Variants in BCL2L14 observed in about 807,000 individuals in gnomAD.
BCL2L14 encodes BCL2 like 14, also known as apoptosis facilitator Bcl-2-like protein 14.
A neutral mutation model predicts 35.3 loss-of-function variants in BCL2L14; 27 were observed. The ratio of observed to expected loss-of-function variants is 0.76; its 90% CI spans 0.56 to 1.05. The LOEUF is 1.05. Among genes scored for constraint, BCL2L14 ranks in the 50% least tolerant of loss-of-function variants. The pLI is 0.00. For missense variants in BCL2L14, 377 were observed against 382.6 expected (o/e 0.99, Z 0.12); for synonymous variants, 139 against 145.9 (o/e 0.95, Z 0.34).
At chr12:12,088,438 T>C (rs1016529935) in intron 3 of BCL2L14, among the ~76,000 whole-genome samples, 1 of 152,032 alleles carries the variant, frequency 6.6e-6, no homozygotes, top group Non-Finnish European at 1.5e-5. Flanking sequence ...CACACGTGGT[T>C]GGAAAGGAAA....
At chr12:12,093,140 C>T (rs571800786) in intron 4 of BCL2L14, among the ~76,000 whole-genome samples, 5 of 152,078 alleles carry the variant, frequency 3.3e-5, no homozygotes, top group Non-Finnish European at 7.4e-5. Flanking sequence ...CAGAGAGATA[C>T]CAGGTTCAAG....
chr12:12,087,035 C>T (rs1949061119), intron 2 of BCL2L14, among the ~76,000 whole-genome samples, 178 bp from the exon 3 acceptor site: 1 of 152,152 alleles, frequency 6.6e-6, no homozygotes, highest in Non-Finnish European at 1.5e-5. Context: ...TCCCACATCC[C>T]GGCCTCTGCC....
chr12:12,096,692 C>T (rs538233844), intron 5 of BCL2L14, among the ~76,000 whole-genome samples: 6 of 152,316 alleles, frequency 3.9e-5, no homozygotes, highest in African/African-American at 1.2e-4. Context: ...CAACATTGAG[C>T]TCTATCCACT....
intron 2 of BCL2L14, among the ~76,000 whole-genome samples, chr12:12,052,272 A>T (rs568021888): frequency 1.3e-5 from 2 of 152,316 alleles, no homozygotes; most frequent in Non-Finnish European, 2.9e-5. Flanking sequence ...AGCAATTTTG[A>T]AATATACAAT....
chr12:12,079,024 T>C (rs1948847709), intron 1 of BCL2L14, among the ~76,000 whole-genome samples: 1 of 152,212 alleles, frequency 6.6e-6, no homozygotes. Flanking sequence ...CTTGAACTCC[T>C]GACCTCATGA....
intron 2 of BCL2L14, among the ~76,000 whole-genome samples, chr12:12,060,062 C>T (rs998850238): frequency 1.4e-4 from 21 of 151,816 alleles, no homozygotes; most frequent in African/African-American, 4.8e-4. Flanking sequence ...TTTCTACAGA[C>T]CCATCTGACC....
intron 2 of BCL2L14, among the ~76,000 whole-genome samples, chr12:12,061,106 C>T (rs1436147843): frequency 1.6e-4 from 19 of 119,444 alleles, no homozygotes; most frequent in African/African-American, 4.0e-4. Flanking sequence ...CTTTTAAGCA[C>T]TCCTTTTTAG....
At chr12:12,069,577 G>A (rs970270451), upstream of BCL2L14, among the ~76,000 whole-genome samples, 23 of 151,600 alleles carry the variant, frequency 1.5e-4, no homozygotes, top group Non-Finnish European at 3.2e-4. Flanking sequence ...GCTTGGTGGC[G>A]GGCGCCTGTA....
chr12:12,087,453 C>T (rs1949073026), intron 3 of BCL2L14, 67 bp downstream of exon 3: 9 of 1,536,722 alleles, frequency 5.9e-6, no homozygotes, highest in African/African-American at 1.4e-5. Flanking sequence ...TGTATTTATC[C>T]ATCCCAGGGC....
upstream of BCL2L14, among the ~76,000 whole-genome samples, chr12:12,070,538 G>A (rs545812081): frequency 1.3e-4 from 20 of 152,088 alleles, no homozygotes; most frequent in African/African-American, 3.1e-4. Context: ...TTAGCCAGGC[G>A]TGCTGGTGCA....
intron 5 of BCL2L14, among the ~76,000 whole-genome samples, chr12:12,098,457 T>C (rs917347109): frequency 5.3e-5 from 8 of 152,202 alleles, no homozygotes; most frequent in African/African-American, 1.4e-4. Flanking sequence ...CCAGTACTTG[T>C]AGAACGGTGA....
intron 1 of BCL2L14, among the ~76,000 whole-genome samples, chr12:12,050,809 A>AG (rs1555084766): frequency 8.2e-5 from 11 of 134,672 alleles, no homozygotes; most frequent in East Asian, 2.3e-4. Context: ...AAAAAAAAAA[A>AG]AAAAGAAAAG....
Position 12,090,711 on chromosome 12 carries a change from G to A in BCL2L14, c.608-68G>A. 3 of 1,262,266 alleles carry A rather than the reference G, an allele frequency of 2.4e-6. No homozygotes were observed. The South Asian group carries it at 3.9e-5, about 16-fold the overall frequency. 78.2% of individuals were successfully genotyped at this position (1,262,266 alleles called of 1,614,324 possible). A position where few individuals can be genotyped will look rare whatever the true frequency, so the allele number is the denominator to read the frequency against. ...CCTTACCAAGCCACAAGCATTCATT[G>A]TCCCTGGAAAAATGTAAGATTATTT... On this transcript the variant is annotated intron_variant, in intron 3 of 5. Coordinates refer to ENST00000308721, the MANE Select transcript of BCL2L14 (RefSeq NM_138723.2).
At chr12:12,056,233 T>C (rs1457403685) in intron 2 of BCL2L14, among the ~76,000 whole-genome samples, 1 of 152,142 alleles carries the variant, frequency 6.6e-6, no homozygotes, top group African/African-American at 2.4e-5. Flanking sequence ...CCAACTGCGA[T>C]AGTCCCGGAT....
At chr12:12,085,437 C>T (rs1019238657) in intron 2 of BCL2L14, among the ~76,000 whole-genome samples, 4 of 152,168 alleles carry the variant, frequency 2.6e-5, no homozygotes, top group East Asian at 1.9e-4. Flanking sequence ...AGAGTTCCAG[C>T]GGAGGCCGGC....
At chr12:12,097,797 A>C (rs976734682) in intron 5 of BCL2L14, among the ~76,000 whole-genome samples, 1 of 152,144 alleles carries the variant, frequency 6.6e-6, no homozygotes, top group African/African-American at 2.4e-5. Flanking sequence ...GAGAAAAAAA[A>C]CAGTTCCAAT....
chr12:12,084,026 T>C (rs1565474359), intron 2 of BCL2L14, among the ~76,000 whole-genome samples: 1 of 152,182 alleles, frequency 6.6e-6, no homozygotes, highest in Non-Finnish European at 1.5e-5. Flanking sequence ...TGTTGGGGCT[T>C]CACCCATCAT....
In BCL2L14 at chr12:12,094,822, G is replaced by A. The variant is rs61753207; in HGVS notation, c.837G>A (p.Thr279=). The stretch of plus-strand genomic sequence containing the variant: ...AGGCTGCCCTTGTAATAGACGTCAC[G>A]GCCAAGCTCACAGCTATTGACAACC... ...GFKAALVIDV[T]AKLTAIDNHP... Residue 279 remains threonine, a synonymous_variant, in exon 5 of 6, where the codon ACG becomes ACA. Transcript: ENST00000308721. 1.6e-3 allele frequency: 2,639 copies of A among 1,614,126 alleles called. 13 individuals are homozygous for A. The highest frequency in any genetic ancestry group is 1.3e-3 in the Non-Finnish European group (1,527 of 1,180,034).
intron 2 of BCL2L14, among the ~76,000 whole-genome samples, chr12:12,053,386 G>A (rs1174299205): frequency 6.6e-6 from 1 of 151,342 alleles, no homozygotes; most frequent in African/African-American, 2.4e-5. Context: ...ATCTATACCA[G>A]GACAAGGTTA....
Sources: gnomAD v4.1 joint callset for allele counts (sites outside exome capture counted in the v4.1 genomes callset) on GRCh38, gnomAD v4.1.1 for gene constraint, MANE v1.5 for transcripts, NCBI Gene and HGNC (gene_info 2026-07-23, HGNC 2026-07-21) for gene names.